Variants in UVRAG observed in about 807,000 individuals in gnomAD.
UVRAG encodes UV radiation resistance-associated gene protein.
A neutral mutation model predicts 78.0 loss-of-function variants in UVRAG; 19 were observed. The ratio of observed to expected loss-of-function variants is 0.24; its 90% CI spans 0.17 to 0.36. The LOEUF (loss-of-function observed/expected upper bound fraction) is 0.36. Ranked by LOEUF, UVRAG falls within the 10% of genes least tolerant of loss-of-function variation. The probability of loss-of-function intolerance (pLI) is 1.00; values close to 1 mark genes in which losing one functional copy is unlikely to be tolerated. For missense variants in UVRAG, 740 were observed against 853.8 expected, an observed-to-expected ratio of 0.87 and a Z score of 1.66; for synonymous variants, 323 against 324.6, an observed-to-expected ratio of 1.00 and a Z score of 0.05.
intron 5 of UVRAG, 103 bp from the exon 6 acceptor site, chr11:75,911,851 C>T (rs2135029626): frequency 1.4e-6 from 1 of 737,216 alleles, no homozygotes; most frequent in East Asian, 2.7e-5. Flanking sequence ...TAGATTTACT[C>T]AGTTGTTAAT....
intron 8 of UVRAG, among the ~76,000 whole-genome samples, chr11:76,000,011 G>T (rs1222860965): frequency 6.6e-6 from 1 of 151,986 alleles, no homozygotes; most frequent in Non-Finnish European, 1.5e-5. Flanking sequence ...GAACTCCTGG[G>T]CAACCAATAA....
intron 4 of UVRAG, among the ~76,000 whole-genome samples, chr11:75,884,240 T>TCTCTTTCTCTCTCTCTCTC (rs1555080662): frequency 0.025 from 3,278 of 131,940 alleles, 40 homozygotes; most frequent in East Asian, 0.037. Context: ...CTCTCTCTCT[T>TCTCTTTCTCTCTCTCTCTC]TCTCTCTCTC....
chr11:76,091,224 G>A (rs1951690143), intron 13 of UVRAG, among the ~76,000 whole-genome samples: 1 of 152,112 alleles, frequency 6.6e-6, no homozygotes. Flanking sequence ...GAAAAATCTA[G>A]AGATATTTGA....
chr11:76,123,123 C>T (rs1352525939), intron 14 of UVRAG, among the ~76,000 whole-genome samples: 1 of 152,166 alleles, frequency 6.6e-6, no homozygotes, highest in Non-Finnish European at 1.5e-5. Context: ...AATGGCCATT[C>T]TCTTCCTTCT....
At chr11:76,094,301 A>G (rs960112878) in intron 13 of UVRAG, among the ~76,000 whole-genome samples, 2 of 152,054 alleles carry the variant, frequency 1.3e-5, no homozygotes, top group African/African-American at 4.8e-5. Context: ...TTCATAAGGG[A>G]TATTGGTTTG....
At chr11:75,853,619 C>G (rs1011162031) in intron 2 of UVRAG, among the ~76,000 whole-genome samples, 1 of 151,918 alleles carries the variant, frequency 6.6e-6, no homozygotes. Context: ...TTCCAAAGTG[C>G]TGGGATTACA....
At chr11:76,111,957 T>G (rs1952076694) in intron 13 of UVRAG, among the ~76,000 whole-genome samples, 3 of 119,508 alleles carry the variant, frequency 2.5e-5, no homozygotes, top group Admixed American at 7.8e-5. Flanking sequence ...GAGGGTAAAG[T>G]GAAAAAAAAA....
At chr11:75,829,378 T>G (rs1427486707) in intron 1 of UVRAG, among the ~76,000 whole-genome samples, 1 of 152,242 alleles carries the variant, frequency 6.6e-6, no homozygotes, top group Non-Finnish European at 1.5e-5. Context: ...GCAATACCAC[T>G]TGTCTCAGTG....
chr11:75,876,714 A>G (rs1157043253), intron 3 of UVRAG, among the ~76,000 whole-genome samples: 2 of 150,110 alleles, frequency 1.3e-5, no homozygotes, highest in African/African-American at 4.9e-5. Flanking sequence ...AAAAACTGCC[A>G]CAAAGCCAAG....
At chr11:75,883,168 G>A (rs1221680566) in intron 4 of UVRAG, among the ~76,000 whole-genome samples, 1 of 151,982 alleles carries the variant, frequency 6.6e-6, no homozygotes. Context: ...GCTTCTTAAC[G>A]TTCTGGTTGC....
intron 2 of UVRAG, among the ~76,000 whole-genome samples, chr11:75,860,798 T>C (rs569392698): frequency 2.6e-5 from 4 of 152,150 alleles, no homozygotes; most frequent in Admixed American, 1.3e-4. Context: ...CTTTTCTTTT[T>C]TTTTTTTAGA....
intron 11 of UVRAG, among the ~76,000 whole-genome samples, chr11:76,016,460 GA>G (rs1832524805): frequency 6.6e-6 from 1 of 152,076 alleles, no homozygotes; most frequent in South Asian, 2.1e-4. Flanking sequence ...TTAAACCTCT[GA>G]AGCTAATTTT....
At chr11:75,887,019 G>A (rs1947093453) in intron 4 of UVRAG, among the ~76,000 whole-genome samples, 1 of 150,890 alleles carries the variant, frequency 6.6e-6, no homozygotes, top group Non-Finnish European at 1.5e-5. Flanking sequence ...AGGCTGGAGT[G>A]CAGTGGCGTG....
At chr11:76,001,675 A>C (rs982785191) in intron 8 of UVRAG, among the ~76,000 whole-genome samples, 1 of 152,236 alleles carries the variant, frequency 6.6e-6, no homozygotes, top group African/African-American at 2.4e-5. Flanking sequence ...ACATGATGGC[A>C]GCATCTCACA....
chr11:75,880,928 C>CTTTTTTT (rs773034018), intron 4 of UVRAG, among the ~76,000 whole-genome samples: 4 of 87,706 alleles, frequency 4.6e-5, no homozygotes, highest in Non-Finnish European at 6.9e-5. Flanking sequence ...TTATTTACTT[C>CTTTTTTT]TTTTTTTTTT....
chr11:76,098,861 G>T, intron 13 of UVRAG, among the ~76,000 whole-genome samples: 1 of 152,080 alleles, frequency 6.6e-6, no homozygotes, highest in East Asian at 1.9e-4. Flanking sequence ...CATTTTCAAA[G>T]CACCTTATGC....
chr11:76,099,871 A>G (rs1199315325), intron 13 of UVRAG, among the ~76,000 whole-genome samples: 1 of 152,098 alleles, frequency 6.6e-6, no homozygotes, highest in Non-Finnish European at 1.5e-5. Context: ...TTCTAAATGT[A>G]TAATCATATC....
intron 6 of UVRAG, among the ~76,000 whole-genome samples, chr11:75,924,849 A>T (rs1948060801): frequency 6.6e-6 from 1 of 152,224 alleles, no homozygotes; most frequent in Non-Finnish European, 1.5e-5. Flanking sequence ...GAGAATGGAA[A>T]TGTAATGGGT....
intron 14 of UVRAG, 115 bp from the exon 15 acceptor site, chr11:76,140,596 C>A (rs1952698960): frequency 1.9e-6 from 2 of 1,044,706 alleles, no homozygotes; most frequent in South Asian, 3.6e-5. Flanking sequence ...AAGATTGATT[C>A]TTATCTATTT....
Sources: gnomAD v4.1 joint callset for allele counts (sites outside exome capture counted in the v4.1 genomes callset) on GRCh38, gnomAD v4.1.1 for gene constraint, MANE v1.5 for transcripts, NCBI Gene and HGNC (gene_info 2026-07-23, HGNC 2026-07-21) for gene names.